The following ABCA5 variants were observed in gnomAD, a reference collection of about 807,000 sequenced individuals.
ABCA5 encodes cholesterol transporter ABCA5.
ABCA5 carries 163 observed loss-of-function variants against 206.0 expected under a neutral mutation model. The observed-to-expected ratio is 0.79, with a 90% CI of 0.70 to 0.90. The LOEUF (loss-of-function observed/expected upper bound fraction) is 0.90. ABCA5 is among the 40% of genes least tolerant of loss of function. The probability of loss-of-function intolerance (pLI) is 0.00; values close to 1 mark genes in which losing one functional copy is unlikely to be tolerated. For synonymous variants in ABCA5, 609 were observed against 613.8 expected, an observed-to-expected ratio of 0.99 and a Z score of 0.11; for missense variants, 1,859 against 1,912.9, an observed-to-expected ratio of 0.97 and a Z score of 0.53.
chr17:69,269,680 A>G (rs991056413), intron 22 of ABCA5, among the ~76,000 whole-genome samples: 1 of 152,238 alleles, frequency 6.6e-6, no homozygotes, highest in Non-Finnish European at 1.5e-5. Flanking sequence ...AGTAGAATGC[A>G]GTATTTCACA....
chr17:69,293,859 TGTGTGTGTGTGTGC>T (rs1212453894), intron 11 of ABCA5, among the ~76,000 whole-genome samples: 99 of 107,656 alleles, frequency 9.2e-4, no homozygotes, highest in African/African-American at 1.7e-3. Flanking sequence ...TGTGTGTGTG[TGTGTGTGTGTGTGC>T]GTGTGTGTGT....
intron 28 of ABCA5, among the ~76,000 whole-genome samples, chr17:69,257,975 G>A (rs2075102235): frequency 6.6e-6 from 1 of 151,998 alleles, no homozygotes; most frequent in Non-Finnish European, 1.5e-5. Flanking sequence ...TATTTTCTGA[G>A]ATAAATGACA....
Position 69,306,862 on chromosome 17 carries a change from G to C in ABCA5, c.651C>G (p.Pro217=), listed in dbSNP as rs778451775. The change falls in exon 6 of 39, where the codon CCC becomes CCG. Residue 217 remains proline (P), a synonymous_variant. Coordinates refer to ENST00000392676, the MANE Select transcript of ABCA5 (RefSeq NM_172232.4). ...CTAGGTATATTAAAATTACTCCTCG[G>C]GGAAAGGTATCTATTTCTACAACAG... is the stretch of plus-strand genomic sequence containing the variant. The part of the protein sequence containing the change: ...ETAVVEIDTF[P]RGVILIYLVI... 5 of 1,602,860 alleles carry C rather than the reference G, an allele frequency of 3.1e-6. 1 individual carries two copies. In the South Asian group the frequency reaches 4.5e-5, roughly 14 times the overall value.
intron 8 of ABCA5, among the ~76,000 whole-genome samples, chr17:69,301,786 T>C (rs2075654921): frequency 6.6e-6 from 1 of 152,182 alleles, no homozygotes; most frequent in Non-Finnish European, 1.5e-5. Context: ...AGAAATGTAC[T>C]GGAGGTTGAA....
rs71144671 is a variant in ABCA5, at chr17:69,299,471, TAC to T, written c.1267+1666_1267+1667del. Among the ~76,000 whole-genome samples the T allele has an allele frequency of 1.2e-3, 164 of 142,470 alleles. 1 individual carries two copies. Among genetic ancestry groups the T allele is most frequent in the Middle Eastern group, 3.5e-3 (1 of 288 alleles). The allele number at this position is 142,470 out of a possible 152,430, so 93.5% of individuals were successfully genotyped here. A position where few individuals can be genotyped will look rare whatever the true frequency, so the allele number is the denominator to read the frequency against. On this transcript the variant is annotated intron_variant, in intron 9 of 38. Transcript: ENST00000392676. ...AAAATGTGATACACACACACACACA[TAC>T]ACACACACACACACACACACACACA...
At chr17:69,260,053 T>C (rs2075129722) in intron 27 of ABCA5, among the ~76,000 whole-genome samples, 2 of 151,996 alleles carry the variant, frequency 1.3e-5, no homozygotes, top group South Asian at 4.1e-4. Context: ...GTCAGCTTCA[T>C]AAAATATAAT....
chr17:69,312,283 A>G (rs932833050), intron 3 of ABCA5, among the ~76,000 whole-genome samples: 1 of 152,132 alleles, frequency 6.6e-6, no homozygotes, highest in Admixed American at 6.5e-5. Context: ...CTTTGTGAGA[A>G]GTGCACATTG....
intron 11 of ABCA5, among the ~76,000 whole-genome samples, chr17:69,292,454 G>A (rs1459884758): frequency 6.6e-6 from 1 of 151,998 alleles, no homozygotes; most frequent in Non-Finnish European, 1.5e-5. Flanking sequence ...TATTTATCAT[G>A]TATCCTATCA....
intron 2 of ABCA5, 87 bp from the exon 3 acceptor site, chr17:69,313,383 GA>G (rs1338075450): frequency 1.7e-6 from 1 of 571,954 alleles, no homozygotes; most frequent in Non-Finnish European, 2.8e-6. Context: ...ATAATACTAA[GA>G]AAAAACAGGA....
intron 20 of ABCA5, 83 bp from the exon 21 acceptor site, chr17:69,271,372 G>C (rs1253515303): frequency 2.2e-6 from 3 of 1,380,172 alleles, no homozygotes; most frequent in Non-Finnish European, 2.0e-6. Flanking sequence ...TCTATTTTTA[G>C]AGAAATATTT....
intron 37 of ABCA5, 67 bp from the exon 38 acceptor site, chr17:69,248,384 T>C (rs1046710660): frequency 2.3e-6 from 2 of 888,830 alleles, no homozygotes; most frequent in Admixed American, 4.9e-5. Context: ...CCTACCAAAG[T>C]GGCTAACAAT....
rs979324684 is a variant in ABCA5, at chr17:69,263,947, C to T, written c.3315+788G>A. On this transcript the variant is annotated intron_variant, in intron 24 of 38. Coordinates refer to ENST00000392676, the MANE Select transcript of ABCA5 (RefSeq NM_172232.4). ...TCTTGACCTCGTGATCCACCCGTCT[C>T]GGTCTCCCAGAGTGCTGGGATTATA... Among the ~76,000 whole-genome samples the T allele has an allele frequency of 5.3e-5, 8 of 152,210 alleles. 1 individual carries two copies. The highest frequency in any genetic ancestry group is 2.1e-4 in the South Asian group (1 of 4,826).
chr17:69,264,101 T>C (rs1376460979), intron 24 of ABCA5, among the ~76,000 whole-genome samples: 4 of 152,188 alleles, frequency 2.6e-5, no homozygotes, highest in Non-Finnish European at 5.9e-5. Context: ...TTGATAGGAA[T>C]AGTGTTGAAT....
intron 28 of ABCA5, among the ~76,000 whole-genome samples, chr17:69,257,292 A>G (rs981743603): frequency 1.3e-5 from 2 of 151,124 alleles, no homozygotes; most frequent in African/African-American, 4.9e-5. Context: ...AATCGTTTCA[A>G]CCAGTGAGCT....
chr17:69,253,777 G>C lies in ABCA5; in HGVS notation c.4320+17C>G, dbSNP rs1359508107. The C allele has an allele frequency of 1.9e-6, 3 of 1,603,016 alleles. No individual in the cohort carries two copies. The highest frequency in any genetic ancestry group is 4.5e-5 in the East Asian group (2 of 44,724). On this transcript the variant is annotated intron_variant, in intron 33 of 38. Coordinates refer to ENST00000392676, the MANE Select transcript of ABCA5 (RefSeq NM_172232.4). ...TCAATAAAAATACAGGCATTATTTG[G>C]TGTTTAATGAAAGTACCTTTCGTTT... is the stretch of plus-strand genomic sequence containing the variant.
chr17:69,303,625 A>AG (rs2075674947), intron 7 of ABCA5, among the ~76,000 whole-genome samples: 1 of 145,722 alleles, frequency 6.9e-6, no homozygotes, highest in Admixed American at 7.0e-5. Flanking sequence ...CAGTTTAAAA[A>AG]GAAAAAAAAA....
intron 1 of ABCA5, among the ~76,000 whole-genome samples, chr17:69,319,672 C>T (rs1004437169): frequency 1.3e-5 from 2 of 152,200 alleles, no homozygotes; most frequent in African/African-American, 2.4e-5. Flanking sequence ...CATTCTTACT[C>T]TAAGCTTTCT....
intron 1 of ABCA5, among the ~76,000 whole-genome samples, chr17:69,316,583 T>C (rs1186435765): frequency 8.0e-6 from 1 of 125,658 alleles, no homozygotes; most frequent in Non-Finnish European, 1.7e-5. Flanking sequence ...GGAGAAAGAG[T>C]ATTAATGCTA....
chr17:69,270,787 T>A, intron 21 of ABCA5, 37 bp from the exon 22 acceptor site: 4 of 1,467,706 alleles, frequency 2.7e-6, no homozygotes, highest in Non-Finnish European at 2.7e-6. Context: ...ACATACTGTA[T>A]ATAAGCGGAT....
Sources: gnomAD v4.1 joint callset for allele counts (sites outside exome capture counted in the v4.1 genomes callset) on GRCh38, gnomAD v4.1.1 for gene constraint, MANE v1.5 for transcripts, NCBI Gene and HGNC (gene_info 2026-07-23, HGNC 2026-07-21) for gene names.